Variants in HDAC9 observed in about 807,000 individuals in gnomAD.
HDAC9 encodes MEF-2 interacting transcription repressor (MITR) protein.
In HDAC9, 41 loss-of-function variants were observed where a neutral mutation model predicts 139.4. The ratio of observed to expected loss-of-function variants is 0.29; its 90% CI spans 0.23 to 0.38. The LOEUF (loss-of-function observed/expected upper bound fraction) is 0.38. Among genes scored for constraint, HDAC9 ranks in the 10% least tolerant of loss-of-function variants. The probability of loss-of-function intolerance (pLI) is 1.00; values close to 1 mark genes in which losing one functional copy is unlikely to be tolerated. For synonymous variants in HDAC9, 517 were observed against 476.2 expected (o/e 1.09, Z -1.12); for missense variants, 1,147 against 1,297.0 (o/e 0.88, Z 1.78).
At chr7:18,340,740 A>C (rs1219219400) in intron 1 of HDAC9, among the ~76,000 whole-genome samples, 1 of 151,566 alleles carries the variant, frequency 6.6e-6, no homozygotes, top group Non-Finnish European at 1.5e-5. Context: ...AGTTTTGTTT[A>C]AACATTCAAG....
chr7:18,630,434 C>A (rs1295218364), intron 7 of HDAC9, among the ~76,000 whole-genome samples: 1 of 151,974 alleles, frequency 6.6e-6, no homozygotes, highest in Non-Finnish European at 1.5e-5. Context: ...ATGACAGTGT[C>A]TACAGGAAGG....
chr7:18,319,876 G>C (rs1224343897), intron 1 of HDAC9, among the ~76,000 whole-genome samples: 3 of 151,940 alleles, frequency 2.0e-5, no homozygotes, highest in Non-Finnish European at 4.4e-5. Context: ...TTTTTTCTTG[G>C]AGCACAAACT....
In HDAC9 at chr7:18,750,714, T is replaced by C. The variant is rs114411191; in HGVS notation, c.2043+1576T>C. 5.1e-3 allele frequency among the ~76,000 whole-genome samples: 780 copies of C among 152,304 alleles called. 7 individuals carry two copies. Among genetic ancestry groups the C allele is most frequent in the African/African-American group, 0.018 (761 of 41,558 alleles). ...GGAGGCCAAACCATTCTCTTTTCTATGCAATCCCATATGGAGTCCATAAAG... is the reference window on the plus strand; with the variant it reads ...GGAGGCCAAACCATTCTCTTTTCTACGCAATCCCATATGGAGTCCATAAAG... On this transcript the variant is annotated intron_variant, in intron 14 of 25. Coordinates refer to ENST00000686413, the MANE Select transcript of HDAC9 (RefSeq NM_178425.4).
At chr7:18,491,893 G>T (rs1019352987), upstream of HDAC9, among the ~76,000 whole-genome samples, 4 of 151,868 alleles carry the variant, frequency 2.6e-5, no homozygotes, top group African/African-American at 9.7e-5. Context: ...TCATCTGGAA[G>T]CACCCTCACA....
chr7:18,311,955 G>A (rs1009420823), intron 1 of HDAC9, among the ~76,000 whole-genome samples: 1 of 152,140 alleles, frequency 6.6e-6, no homozygotes, highest in Non-Finnish European at 1.5e-5. Context: ...CACCCTCTTG[G>A]CACTACCACG....
intron 13 of HDAC9, among the ~76,000 whole-genome samples, chr7:18,731,010 G>T (rs902901702): frequency 2.6e-5 from 4 of 152,164 alleles, no homozygotes; most frequent in Non-Finnish European, 5.9e-5. Flanking sequence ...ATGGGCAGGT[G>T]ACATAGAGAG....
chr7:18,972,788 G>T (rs1784329045), intron 24 of HDAC9, among the ~76,000 whole-genome samples: 1 of 152,154 alleles, frequency 6.6e-6, no homozygotes, highest in South Asian at 2.1e-4. Context: ...AATTTTATGA[G>T]AAATTAAGAG....
At chr7:18,885,819 A>T (rs1187856039) in intron 22 of HDAC9, among the ~76,000 whole-genome samples, 1 of 152,228 alleles carries the variant, frequency 6.6e-6, no homozygotes, top group Non-Finnish European at 1.5e-5. Context: ...ATATAATAGC[A>T]GTTTACAGAC....
chr7:18,180,834 G>C (rs1352520076), intron 2 of HDAC9, among the ~76,000 whole-genome samples: 1 of 152,196 alleles, frequency 6.6e-6, no homozygotes, highest in Admixed American at 6.5e-5. Context: ...GGGCTGAAAT[G>C]AAGGTGTCAG....
At chr7:18,500,598 T>C (rs1186613604) in intron 2 of HDAC9, among the ~76,000 whole-genome samples, 1 of 152,134 alleles carries the variant, frequency 6.6e-6, no homozygotes, top group Non-Finnish European at 1.5e-5. Context: ...ACTGAGTAGG[T>C]ATCCTCACCA....
At chr7:18,910,355 C>A (rs1208199360) in intron 22 of HDAC9, among the ~76,000 whole-genome samples, 3 of 151,842 alleles carry the variant, frequency 2.0e-5, no homozygotes, top group African/African-American at 7.3e-5. Context: ...TCAGGTAGCT[C>A]ACTATTGGTA....
intron 2 of HDAC9, among the ~76,000 whole-genome samples, chr7:18,163,700 C>A (rs1203452623): frequency 6.6e-6 from 1 of 152,088 alleles, no homozygotes; most frequent in Admixed American, 6.6e-5. Context: ...TACTATTATT[C>A]TTTCTGTTGG....
chr7:18,800,251 A>G (rs1391778107), intron 17 of HDAC9, among the ~76,000 whole-genome samples: 1 of 152,214 alleles, frequency 6.6e-6, no homozygotes, highest in Non-Finnish European at 1.5e-5. Context: ...AGTACCACAT[A>G]CTACTCATTA....
chr7:18,996,117 C>A lies in HDAC9; in HGVS notation c.*55C>A, dbSNP rs375677897. On this transcript the variant is annotated 3_prime_UTR_variant, in exon 26 of 26. Transcript: ENST00000686413. ...TGTGTGACATCATTGTGTATCCCCC[C>A]ACCCCAGTACCCTCAGACATGTCTT... 65 of 1,310,336 alleles carry A rather than the reference C, an allele frequency of 5.0e-5. 1 individual carries two copies. The South Asian group carries it at 7.0e-4, about 14-fold the overall frequency. The allele number at this position is 1,310,336 out of a possible 1,614,324, so 81.2% of individuals were successfully genotyped here.
At chr7:18,555,215 C>G (rs1336850898) in intron 2 of HDAC9, among the ~76,000 whole-genome samples, 1 of 152,130 alleles carries the variant, frequency 6.6e-6, no homozygotes, top group African/African-American at 2.4e-5. Flanking sequence ...CAGTAGGTAT[C>G]AAGAGATTTA....
At chr7:18,301,243 C>A (rs1231541290) in intron 1 of HDAC9, among the ~76,000 whole-genome samples, 1 of 151,970 alleles carries the variant, frequency 6.6e-6, no homozygotes, top group African/African-American at 2.4e-5. Context: ...CAGAATAATA[C>A]TTTAAGGTCA....
At chr7:18,550,932 A>C (rs1391529250) in intron 2 of HDAC9, among the ~76,000 whole-genome samples, 1 of 152,210 alleles carries the variant, frequency 6.6e-6, no homozygotes, top group Non-Finnish European at 1.5e-5. Context: ...ATTATAGTTT[A>C]GGACCCTAGC....
At chr7:18,517,832 A>G (rs958832024) in intron 2 of HDAC9, 30 of 152,214 alleles carry the variant, frequency 2.0e-4, no homozygotes, top group African/African-American at 3.6e-4. Flanking sequence ...TAGTGAAGAC[A>G]AGAATCTTCT....
intron 12 of HDAC9, among the ~76,000 whole-genome samples, chr7:18,706,312 C>T (rs1395923267): frequency 1.3e-5 from 2 of 151,774 alleles, no homozygotes; most frequent in Non-Finnish European, 2.9e-5. Context: ...TTGTAAGCAC[C>T]CTGAGGTTAA....
Sources: allele counts gnomAD v4.1 joint callset (sites outside exome capture counted in the v4.1 genomes callset), GRCh38; gene constraint gnomAD v4.1.1; transcripts MANE v1.5; gene names NCBI Gene and HGNC (gene_info 2026-07-23, HGNC 2026-07-21).